SERPINF1: variants seen among roughly 807,000 people sequenced by gnomAD.
The protein encoded by SERPINF1 is pigment epithelium-derived factor.
A neutral mutation model predicts 37.3 loss-of-function variants in SERPINF1; 29 were observed. The ratio of observed to expected loss-of-function variants is 0.78; its 90% CI spans 0.58 to 1.06. The LOEUF (loss-of-function observed/expected upper bound fraction) is 1.06, where lower values mean the gene tolerates loss of function less well. SERPINF1 is among the 50% of genes least tolerant of loss of function. The pLI, the probability that SERPINF1 is intolerant of heterozygous loss-of-function variation, is 0.00. For synonymous variants in SERPINF1, 281 were observed against 227.9 expected (o/e 1.23, Z -2.10); for missense variants, 553 against 532.2 (o/e 1.04, Z -0.38).
At chr17:1,776,427 G>A (rs965906129) in intron 6 of SERPINF1, 105 bp from the exon 7 acceptor site, 17 of 998,664 alleles carry the variant, frequency 1.7e-5, no homozygotes, top group Admixed American at 3.4e-5. Context: ...GATGAAGGAC[G>A]AGACCAGGGC....
intron 1 of SERPINF1, among the ~76,000 whole-genome samples, chr17:1,764,421 CTG>C (rs1309104941): frequency 6.6e-6 from 1 of 152,210 alleles, no homozygotes; most frequent in African/African-American, 2.4e-5. Context: ...GGTGAGGCCT[CTG>C]TCTTGCGCTG....
intron 7 of SERPINF1, 82 bp downstream of exon 7, chr17:1,776,824 C>A: frequency 7.7e-7 from 1 of 1,294,496 alleles, no homozygotes. Flanking sequence ...CTAAGCAGAA[C>A]GCAAGGGCTC....
chr17:1,776,869 AATCCTCATCGTGC>A, intron 7 of SERPINF1, 127 bp downstream of exon 7: 1 of 877,354 alleles, frequency 1.1e-6, no homozygotes, highest in Non-Finnish European at 1.8e-6. Context: ...ATGAGTCCTT[AATCCTCATCGTGC>A]CAGAAGGGAA....
intron 3 of SERPINF1, 132 bp from the exon 4 acceptor site, chr17:1,770,897 T>C: frequency 8.8e-7 from 1 of 1,142,484 alleles, no homozygotes; most frequent in Non-Finnish European, 1.3e-6. Flanking sequence ...GCCACCTAGA[T>C]TGTCTTGAAG....
chr17:1,774,929 C>T (rs1052384931), intron 5 of SERPINF1, 129 bp from the exon 6 acceptor site: 1 of 1,152,296 alleles, frequency 8.7e-7, no homozygotes, highest in Non-Finnish European at 1.3e-6. Context: ...TCCCTGAGGC[C>T]TCAGAGCCCC....
At chr17:1,770,774 G>A (rs1907678501) in intron 3 of SERPINF1, 24 of 464,578 alleles carry the variant, frequency 5.2e-5, no homozygotes, top group South Asian at 4.9e-4. Context: ...TAATCTTAAG[G>A]GCTATGATGG....
chr17:1,764,391 C>G (rs1185465682), intron 1 of SERPINF1, among the ~76,000 whole-genome samples: 1 of 152,204 alleles, frequency 6.6e-6, no homozygotes, highest in Non-Finnish European at 1.5e-5. Flanking sequence ...GGGTGGAGAC[C>G]AGCTGTAGGC....
Position 1,776,564 on chromosome 17 carries a change from T to TATC in SERPINF1, c.823_825dup (p.Ile275dup). On this transcript the variant is annotated inframe_insertion, in exon 7 of 8. Coordinates refer to ENST00000254722, the MANE Select transcript of SERPINF1 (RefSeq NM_002615.7). ...AGCTGCCCTTGACCGGAAGCATGAG[T>TATC]ATCATCTTCTTCCTGCCCCTGAAAG... 1 of 1,613,906 alleles carries TATC rather than the reference T, an allele frequency of 6.2e-7. No homozygotes were observed. Among genetic ancestry groups the TATC allele is most frequent in the Non-Finnish European group, 8.5e-7 (1 of 1,180,004 alleles).
chr17:1,775,914 C>T (rs1439558168), intron 6 of SERPINF1, among the ~76,000 whole-genome samples: 2 of 152,322 alleles, frequency 1.3e-5, no homozygotes, highest in East Asian at 1.9e-4. Flanking sequence ...TCTTGGGCCA[C>T]GGCTATCACA....
chr17:1,771,068 TCTA>T lies in SERPINF1; in HGVS notation c.327_329del (p.Tyr110del). ...ACAGAATCCATCATTCACCGGGCTCTCTACTATGACTTGATCAGCAGCCCAGAC... is the reference window on the plus strand; with the variant it reads ...ACAGAATCCATCATTCACCGGGCTCTCTATGACTTGATCAGCAGCCCAGAC... On this transcript the variant is annotated inframe_deletion, in exon 4 of 8. Transcript: ENST00000254722. 1 of 1,614,118 alleles carries T rather than the reference TCTA, an allele frequency of 6.2e-7. No individual in the cohort carries two copies. The highest frequency in any genetic ancestry group is 8.5e-7 in the Non-Finnish European group (1 of 1,180,010).
Position 1,769,932 on chromosome 17 carries a change from A to G in SERPINF1, c.165A>G (p.Ala55=). 6.2e-7 allele frequency: 1 copy of G among 1,614,228 alleles called. No homozygotes were observed. Among genetic ancestry groups the G allele is most frequent in the Non-Finnish European group, 8.5e-7 (1 of 1,180,032 alleles). ...PFFKVPVNKL[A]AAVSNFGYDL... ...TCAAAGTCCCCGTGAACAAGCTGGC[A>G]GCGGCTGTCTCCAACTTCGGCTATG... Residue 55 remains alanine (A), a synonymous_variant, in exon 3 of 8, where the codon GCA becomes GCG. Coordinates refer to ENST00000254722, the MANE Select transcript of SERPINF1 (RefSeq NM_002615.7).
intron 1 of SERPINF1, among the ~76,000 whole-genome samples, chr17:1,763,807 G>A (rs530121095): frequency 5.1e-4 from 77 of 152,338 alleles, no homozygotes; most frequent in Non-Finnish European, 8.1e-4. Context: ...CACCTGATCT[G>A]GGGTTTGGGC....
At chr17:1,773,019 G>A (rs1907840216) in intron 5 of SERPINF1, among the ~76,000 whole-genome samples, 2 of 152,118 alleles carry the variant, frequency 1.3e-5, no homozygotes, top group African/African-American at 4.8e-5. Context: ...ATCAGAAGGG[G>A]CTTGGAAAGG....
chr17:1,774,909 A>C, intron 5 of SERPINF1, 149 bp from the exon 6 acceptor site: 1 of 887,930 alleles, frequency 1.1e-6, no homozygotes, highest in Non-Finnish European at 1.8e-6. Context: ...ACACACTGAG[A>C]TAGGCCTATT....
rs754095106 is a variant in SERPINF1, at chr17:1,775,162, G to C, written c.748G>C (p.Val250Leu). 117 of 1,586,268 alleles carry C rather than the reference G, an allele frequency of 7.4e-5. No homozygotes were observed. Among genetic ancestry groups the C allele is most frequent in the Non-Finnish European group, 9.4e-5 (109 of 1,164,070 alleles). The change falls in exon 6 of 8, where the codon GTT becomes CTT. Residue 250 changes from valine (V) to leucine (L), a missense_variant. Coordinates refer to ENST00000254722, the MANE Select transcript of SERPINF1 (RefSeq NM_002615.7). ...CCCCATGATGTCGGACCCTAAGGCT[G>C]TTTTACGCTATGGCTTGGATTCAGA... Reference protein sequence around the residue: ...RVPMMSDPKAVLRYGLDSDLS... With the variant: ...RVPMMSDPKALLRYGLDSDLS...
chr17:1,766,991 G>C lies in SERPINF1; in HGVS notation c.81G>C (p.Glu27Asp), dbSNP rs1347097279. ...GCCAGAACCCTGCCAGCCCCCCGGAGGAGGTCAGTAGGCAGGCGGGGAGGG... is the reference window on the plus strand; with the variant it reads ...GCCAGAACCCTGCCAGCCCCCCGGACGAGGTCAGTAGGCAGGCGGGGAGGG... ...SSCQNPASPP[E>D]EGSPDPDSTG... is the part of the protein sequence containing the mutation. Residue 27 changes from glutamate to aspartate, a missense_variant, in exon 2 of 8, where the codon GAG becomes GAC. Physicochemically the swap from Glu to Asp is conservative, Grantham distance 45. Transcript: ENST00000254722. The C allele has an allele frequency of 6.4e-7, 1 of 1,553,348 alleles. No individual in the cohort carries two copies. Among genetic ancestry groups the C allele is most frequent in the Admixed American group, 2.0e-5 (1 of 51,222 alleles).
At chr17:1,765,213 GCTCACTGCAACCTC>G (rs1448944878) in intron 1 of SERPINF1, among the ~76,000 whole-genome samples, 2 of 150,366 alleles carry the variant, frequency 1.3e-5, no homozygotes, top group African/African-American at 2.5e-5. Context: ...TGCGATCTTG[GCTCACTGCAACCTC>G]CACCTCCCAA....
At chr17:1,773,236 G>T (rs1907849851) in intron 5 of SERPINF1, among the ~76,000 whole-genome samples, 1 of 152,112 alleles carries the variant, frequency 6.6e-6, no homozygotes. Context: ...CAGCTTTTGA[G>T]TCAGACAAGA....
In SERPINF1 at chr17:1,769,288, A is replaced by G. The variant is rs181988098; in HGVS notation, c.85-564A>G. Among the ~76,000 whole-genome samples, 1,119 of 152,076 alleles carry G rather than the reference A, an allele frequency of 7.4e-3. 3 individuals carry two copies. The highest frequency in any genetic ancestry group is 0.038 in the East Asian group (196 of 5,094). The stretch of plus-strand genomic sequence containing the variant: ...CCCAGGCATGGTGGTGGGCGCCTGT[A>G]GTCCCAGCTACTCGGGAGGCTGAGG... On this transcript the variant is annotated intron_variant, in intron 2 of 7. Transcript: ENST00000254722.
Sources: allele counts gnomAD v4.1 joint callset (sites outside exome capture counted in the v4.1 genomes callset), GRCh38; gene constraint gnomAD v4.1.1; transcripts MANE v1.5; gene names NCBI Gene and HGNC (gene_info 2026-07-23, HGNC 2026-07-21).